Variants in PCDHGA1 observed in about 807,000 individuals in gnomAD.
PCDHGA1 encodes protocadherin gamma subfamily A, 1, also known as protocadherin gamma-A1.
PCDHGA1 carries 32 observed loss-of-function variants against 58.0 expected under a neutral mutation model. That is an observed-to-expected ratio of 0.55 (90% CI 0.42 to 0.74). PCDHGA1 has a LOEUF of 0.74. Among genes scored for constraint, PCDHGA1 ranks in the 30% least tolerant of loss-of-function variants. The probability of loss-of-function intolerance (pLI) is 0.00; values close to 1 mark genes in which losing one functional copy is unlikely to be tolerated. For missense variants in PCDHGA1, 1,205 were observed against 1,182.3 expected (o/e 1.02, Z -0.28); for synonymous variants, 498 against 501.1 (o/e 0.99, Z 0.08).
Position 141,478,335 on chromosome 5 carries a change from C to T in PCDHGA1, c.2422-16472C>T, listed in dbSNP as rs202213361. On this transcript the variant is annotated intron_variant, in intron 1 of 3. Coordinates refer to ENST00000517417, the MANE Select transcript of PCDHGA1 (RefSeq NM_018912.3). ...AGCTCACTGTACCGAACACCAGGGC[C>T]CTCCTTGCACGCGGACGCCGTGCGG... 4.7e-5 allele frequency: 76 copies of T among 1,613,822 alleles called. No individual in the cohort carries two copies. The highest frequency in any genetic ancestry group is 6.1e-5 in the Non-Finnish European group (72 of 1,180,028).
chr5:141,355,298 A>G (rs374574090), intron 1 of PCDHGA1: 3 of 1,613,812 alleles, frequency 1.9e-6, no homozygotes, highest in Non-Finnish European at 2.5e-6. Context: ...CAGATTCTCT[A>G]CTCGGTGTTT....
At position 141,393,382 on chromosome 5, in the gene PCDHGA1, T is replaced by G. The variant is rs778957877; in HGVS notation, c.2421+60277T>G. ...GTGCAGACTGGAGACAATGGAGCCA[T>G]AAACCCAGAGCTGGTGCTGGAGCGC... On this transcript the variant is annotated intron_variant, in intron 1 of 3. Coordinates refer to ENST00000517417, the MANE Select transcript of PCDHGA1 (RefSeq NM_018912.3). The G allele has an allele frequency of 1.9e-6, 3 of 1,613,948 alleles. No individual in the cohort carries two copies. In the South Asian group the frequency reaches 3.3e-5, roughly 18 times the overall value.
intron 1 of PCDHGA1, chr5:141,360,088 C>G (rs1443293202): frequency 6.7e-7 from 1 of 1,503,738 alleles, no homozygotes; most frequent in Non-Finnish European, 8.9e-7. Context: ...CTGCCATCCC[C>G]GGAAGGCTTA....
At chr5:141,384,645 A>G in intron 1 of PCDHGA1, 1 of 1,614,218 alleles carries the variant, frequency 6.2e-7, no homozygotes, top group Non-Finnish European at 8.5e-7. Flanking sequence ...CCCGCTCCGC[A>G]GAGCCCGGCT....
At position 141,431,633 on chromosome 5, in the gene PCDHGA1, T is replaced by G; in HGVS notation, c.2422-63174T>G. On this transcript the variant is annotated intron_variant, in intron 1 of 3. Coordinates refer to ENST00000517417, the MANE Select transcript of PCDHGA1 (RefSeq NM_018912.3). This position sits in a 1 kb window ranked among gnomAD's most constrained non-coding sequence, Gnocchi z 4.8. Reference sequence around the variant, plus strand: ...TGTGGACGACAAGGCGGCCCAAGTTTTCAAACTAGATTGTAATTCAGGGAC... The same window carrying G: ...TGTGGACGACAAGGCGGCCCAAGTTGTCAAACTAGATTGTAATTCAGGGAC... 6.2e-7 allele frequency: 1 copy of G among 1,614,240 alleles called. No individual in the cohort carries two copies. Among genetic ancestry groups the G allele is most frequent in the Non-Finnish European group, 8.5e-7 (1 of 1,180,048 alleles).
chr5:141,404,142 C>CAGA (rs781433913), intron 1 of PCDHGA1: 9 of 1,612,668 alleles, frequency 5.6e-6, no homozygotes, highest in Non-Finnish European at 6.8e-6. Flanking sequence ...TTAGAAAATT[C>CAGA]AGAAGAAGAT....
At chr5:141,421,435 A>G (rs775839500) in intron 1 of PCDHGA1, 3 of 1,614,108 alleles carry the variant, frequency 1.9e-6, no homozygotes, top group East Asian at 4.5e-5. Context: ...CATCGTCTCC[A>G]GAGGGAAGAC....
chr5:141,418,299 G>C lies in PCDHGA1; in HGVS notation c.2422-76508G>C, dbSNP rs767901461. 5 of 1,614,046 alleles carry C rather than the reference G, an allele frequency of 3.1e-6. No individual in the cohort carries two copies. In the Admixed American group the frequency reaches 8.3e-5, roughly 27 times the overall value. On this transcript the variant is annotated intron_variant, in intron 1 of 3. Coordinates refer to ENST00000517417, the MANE Select transcript of PCDHGA1 (RefSeq NM_018912.3). ...AACTTAGAAATCAGTGAATCCGTCA[G>C]CCTGGGGATGGGAACAATTCTTGAG...
chr5:141,417,936 A>G (rs1266177574), intron 1 of PCDHGA1: 3 of 1,612,080 alleles, frequency 1.9e-6, no homozygotes, highest in Non-Finnish European at 1.7e-6. Flanking sequence ...CCTTTGTTCT[A>G]CCCCACGCTG....
intron 1 of PCDHGA1, among the ~76,000 whole-genome samples, chr5:141,450,572 T>A (rs1276283357): frequency 6.6e-6 from 1 of 151,710 alleles, no homozygotes; most frequent in African/African-American, 2.4e-5. Flanking sequence ...CTGCAACTTC[T>A]GCCTCCCAGG....
chr5:141,365,467 T>C (rs761340226), intron 1 of PCDHGA1: 6 of 1,613,974 alleles, frequency 3.7e-6, no homozygotes, highest in Non-Finnish European at 4.2e-6. Flanking sequence ...CTGGAGAAAA[T>C]GGTGAGATTG....
chr5:141,466,646 T>C (rs954003023), intron 1 of PCDHGA1, among the ~76,000 whole-genome samples: 11 of 152,210 alleles, frequency 7.2e-5, no homozygotes, highest in African/African-American at 2.4e-4. Context: ...CATAAACTTT[T>C]CACAAAACAT....
chr5:141,352,095 TC>T, intron 1 of PCDHGA1: 1 of 1,605,676 alleles, frequency 6.2e-7, no homozygotes, highest in Non-Finnish European at 8.5e-7. Context: ...GAGCCCGGGC[TC>T]TTCAGCCTGG....
At chr5:141,361,030 G>A in intron 1 of PCDHGA1, 1 of 1,613,328 alleles carries the variant, frequency 6.2e-7, no homozygotes, top group Non-Finnish European at 8.5e-7. Context: ...TGAAAAAACA[G>A]GAGAAATCAC....
chr5:141,469,005 G>A (rs1011079995), intron 1 of PCDHGA1, among the ~76,000 whole-genome samples: 7 of 151,814 alleles, frequency 4.6e-5, no homozygotes, highest in South Asian at 2.1e-4. Context: ...TGCTGGGTGC[G>A]GTGGGTCACT....
At chr5:141,346,186 G>T (rs759993278) in intron 1 of PCDHGA1, 5 of 1,614,060 alleles carry the variant, frequency 3.1e-6, no homozygotes, top group Non-Finnish European at 4.2e-6. Flanking sequence ...AGGCTGCGGC[G>T]CTGGCACAAG....
intron 1 of PCDHGA1, chr5:141,339,658 C>T (rs761489686): frequency 1.2e-6 from 2 of 1,614,170 alleles, no homozygotes; most frequent in South Asian, 1.1e-5. Flanking sequence ...CCCGCATCTG[C>T]GTGAAGGTCC....
rs375516156 is a variant in PCDHGA1 at position 141,510,311 on chromosome 5, C to G, written c.2570-636C>G. Among the ~76,000 whole-genome samples, 70 of 151,056 alleles carry G rather than the reference C, an allele frequency of 4.6e-4. No homozygotes were observed. The South Asian group carries it at 0.014, about 31-fold the overall frequency. On this transcript the variant is annotated intron_variant, in intron 3 of 3. Transcript: ENST00000517417. The stretch of plus-strand genomic sequence containing the variant: ...AAAAAATGCTGTTTTGAAATGGAGG[C>G]TTGGAAGAGCACTCTTCACCCCCAC...
intron 1 of PCDHGA1, chr5:141,415,950 A>G (rs996935488): frequency 4.0e-6 from 2 of 498,646 alleles, no homozygotes; most frequent in Non-Finnish European, 6.1e-6. Flanking sequence ...GGGTGGTCAC[A>G]TATTGAAACT....
Sources: allele counts gnomAD v4.1 joint callset (sites outside exome capture counted in the v4.1 genomes callset), GRCh38; gene constraint gnomAD v4.1.1; non-coding constraint Gnocchi (gnomAD v3.1); transcripts MANE v1.5; gene names NCBI Gene and HGNC (gene_info 2026-07-23, HGNC 2026-07-21).